APLP2: variants seen among roughly 807,000 people sequenced by gnomAD.
APLP2 encodes CDEI box-binding protein.
APLP2 carries 53 observed loss-of-function variants against 89.9 expected under a neutral mutation model. That is an observed-to-expected ratio of 0.59 (90% CI 0.47 to 0.74). The LOEUF is 0.74. Ranked by LOEUF, APLP2 falls within the 30% of genes least tolerant of loss-of-function variation. The pLI, the probability that APLP2 is intolerant of heterozygous loss-of-function variation, is 0.00. For missense variants in APLP2, 973 were observed against 975.9 expected, an observed-to-expected ratio of 1.00 and a Z score of 0.04; for synonymous variants, 372 against 348.6, an observed-to-expected ratio of 1.07 and a Z score of -0.75.
At chr11:130,094,441 G>A (rs1466092925) in intron 1 of APLP2, among the ~76,000 whole-genome samples, 1 of 151,944 alleles carries the variant, frequency 6.6e-6, no homozygotes, top group Non-Finnish European at 1.5e-5. Flanking sequence ...CACTCACCTC[G>A]GCCTCCCAAA....
chr11:130,089,851 G>C (rs1312192457), intron 1 of APLP2, among the ~76,000 whole-genome samples: 1 of 152,090 alleles, frequency 6.6e-6, no homozygotes, highest in Non-Finnish European at 1.5e-5. Flanking sequence ...TTCACATTTC[G>C]CCTTCTCAGA....
At chr11:130,100,907 A>G (rs1197956428) in intron 1 of APLP2, among the ~76,000 whole-genome samples, 2 of 152,152 alleles carry the variant, frequency 1.3e-5, no homozygotes, top group African/African-American at 4.8e-5. Context: ...AGGTTTTTTC[A>G]TTTTACTGCT....
rs577702132 is a variant in APLP2, at chr11:130,124,228, C to G, written c.1090+449C>G. 1.2e-3 allele frequency among the ~76,000 whole-genome samples: 185 copies of G among 152,286 alleles called. 1 individual carries two copies. The highest frequency in any genetic ancestry group is 4.2e-3 in the African/African-American group (174 of 41,574). ...TGATGCATGCCAGCTCATGGGGCGC[C>G]TCCTCTCGAAAGGAGTGACAGTGAA... is the stretch of plus-strand genomic sequence containing the variant. On this transcript the variant is annotated intron_variant, in intron 7 of 16. Transcript: ENST00000338167.
intron 1 of APLP2, 25 bp from the exon 2 acceptor site, chr11:130,109,404 C>A (rs1240617221): frequency 2.5e-6 from 4 of 1,599,682 alleles, no homozygotes; most frequent in Middle Eastern, 1.7e-4. Context: ...TTGGAGTAAA[C>A]CTGCAATTTT....
At position 130,115,956 on chromosome 11, in the gene APLP2, CTG is replaced by C. The variant is rs199778846; in HGVS notation, c.404-4747_404-4746del. 3.2e-3 allele frequency among the ~76,000 whole-genome samples: 486 copies of C among 152,246 alleles called. 4 individuals carry two copies. Among genetic ancestry groups the C allele is most frequent in the African/African-American group, 0.01 (428 of 41,552 alleles). On this transcript the variant is annotated intron_variant, in intron 3 of 16. Transcript: ENST00000338167. ...ATTTTCAGTTTCTGTACTAAGTTAACTGTGATTAACATTTTGGGGTATAGATG... is the reference window on the plus strand; with the variant it reads ...ATTTTCAGTTTCTGTACTAAGTTAACTGATTAACATTTTGGGGTATAGATG...
At chr11:130,096,120 A>G (rs1455264942) in intron 1 of APLP2, among the ~76,000 whole-genome samples, 1 of 152,208 alleles carries the variant, frequency 6.6e-6, no homozygotes, top group African/African-American at 2.4e-5. Context: ...CTTGCTTGGG[A>G]ACAGCAGGGG....
At chr11:130,080,814 A>G (rs1482052777) in intron 1 of APLP2, among the ~76,000 whole-genome samples, 1 of 147,660 alleles carries the variant, frequency 6.8e-6, no homozygotes, top group Non-Finnish European at 1.5e-5. Context: ...CTCCTGACTC[A>G]GCCTCCCAAG....
chr11:130,140,333 C>A, intron 13 of APLP2, 65 bp from the exon 14 acceptor site: 2 of 1,335,300 alleles, frequency 1.5e-6, no homozygotes, highest in South Asian at 1.4e-5. Context: ...GAGTTTGCTG[C>A]TTCTGTGCAA....
chr11:130,091,492 G>T (rs1945174162), intron 1 of APLP2, among the ~76,000 whole-genome samples: 1 of 139,596 alleles, frequency 7.2e-6, no homozygotes, highest in African/African-American at 2.8e-5. Context: ...CCGGGCGGAG[G>T]GCTGACCCCC....
At chr11:130,098,051 A>G (rs1183058802) in intron 1 of APLP2, among the ~76,000 whole-genome samples, 1 of 152,176 alleles carries the variant, frequency 6.6e-6, no homozygotes, top group Non-Finnish European at 1.5e-5. Flanking sequence ...TTAGTCCCCT[A>G]GTGGATGCTG....
intron 1 of APLP2, chr11:130,082,445 A>C (rs558414493): frequency 6.6e-6 from 1 of 152,632 alleles, no homozygotes; most frequent in Non-Finnish European, 1.5e-5. Flanking sequence ...CGGCCTCCCA[A>C]AGTGCTGGGA....
intron 16 of APLP2, 144 bp downstream of exon 16, chr11:130,142,218 C>G (rs779483094): frequency 2.0e-6 from 2 of 1,010,576 alleles, no homozygotes; most frequent in Non-Finnish European, 2.7e-6. Flanking sequence ...ATTCCTAGGT[C>G]GTGTTTTTGG....
At chr11:130,105,203 A>G (rs1210027540) in intron 1 of APLP2, among the ~76,000 whole-genome samples, 1 of 152,244 alleles carries the variant, frequency 6.6e-6, no homozygotes, top group Non-Finnish European at 1.5e-5. Context: ...ACTTGAGCCC[A>G]AGAGTTTGAG....
intron 1 of APLP2, among the ~76,000 whole-genome samples, chr11:130,096,803 A>G (rs1946264356): frequency 6.6e-6 from 1 of 152,140 alleles, no homozygotes; most frequent in African/African-American, 2.4e-5. Flanking sequence ...CCTTTTATTC[A>G]TTCTTTTTAC....
chr11:130,116,502 C>G (rs539976743), intron 3 of APLP2, among the ~76,000 whole-genome samples: 7 of 151,334 alleles, frequency 4.6e-5, no homozygotes, highest in Admixed American at 4.6e-4. Flanking sequence ...TTTTCTTTTT[C>G]TTTTTAAGAC....
At chr11:130,076,598 A>G (rs1942172330) in intron 1 of APLP2, among the ~76,000 whole-genome samples, 2 of 152,142 alleles carry the variant, frequency 1.3e-5, no homozygotes, top group Non-Finnish European at 2.9e-5. Context: ...ATTGTGGTCC[A>G]GAAAAAAACT....
chr11:130,126,643 T>C, intron 7 of APLP2, 57 bp from the exon 8 acceptor site: 2 of 1,601,842 alleles, frequency 1.2e-6, no homozygotes, highest in Admixed American at 3.3e-5. Context: ...TGGGTTTTCT[T>C]CCTAGAGCAC....
Position 130,130,104 on chromosome 11 carries a change from A to G in APLP2, c.1522A>G (p.Ile508Val), listed in dbSNP as rs1268640809. ...RAENKDRLHT[I>V]RHYQHVLAVD... is the part of the protein sequence containing the mutation. ...TGAGAACAAAGATCGCTTACATACC[A>G]TCCGTCATTACCAGCATGTGTTGGC... is the stretch of plus-strand genomic sequence containing the variant. The change falls in exon 11 of 17, where the codon ATC becomes GTC. Residue 508 changes from isoleucine (I) to valine (V), a missense_variant. Transcript: ENST00000338167. 4 of 1,614,236 alleles carry G rather than the reference A, an allele frequency of 2.5e-6. No homozygotes were observed. In the East Asian group the frequency reaches 6.7e-5, roughly 27 times the overall value.
At chr11:130,132,107 C>A (rs1160030346) in intron 11 of APLP2, among the ~76,000 whole-genome samples, 1 of 152,136 alleles carries the variant, frequency 6.6e-6, no homozygotes, top group Non-Finnish European at 1.5e-5. Flanking sequence ...CTCTGTGGTT[C>A]TTGTCCTCTG....
Sources: allele counts gnomAD v4.1 joint callset (sites outside exome capture counted in the v4.1 genomes callset), GRCh38; gene constraint gnomAD v4.1.1; transcripts MANE v1.5; gene names NCBI Gene and HGNC (gene_info 2026-07-23, HGNC 2026-07-21).